Variants in SETX observed in about 807,000 individuals in gnomAD.
SETX encodes helicase senataxin.
SETX carries 90 observed loss-of-function variants against 227.2 expected under a neutral mutation model. The observed-to-expected ratio is 0.40, with a 90% CI of 0.33 to 0.47. The LOEUF (loss-of-function observed/expected upper bound fraction) is 0.47, where lower values mean the gene tolerates loss of function less well. Ranked by LOEUF, SETX falls within the 20% of genes least tolerant of loss-of-function variation. SETX has a pLI of 0.91. For missense variants in SETX, 3,052 were observed against 3,181.5 expected, an observed-to-expected ratio of 0.96 and a Z score of 0.98; for synonymous variants, 1,210 against 1,113.2, an observed-to-expected ratio of 1.09 and a Z score of -1.73.
chr9:132,333,408 A>AAAT (rs1847380194), intron 7 of SETX, among the ~76,000 whole-genome samples: 9 of 72,214 alleles, frequency 1.2e-4, no homozygotes, highest in African/African-American at 3.0e-4. Context: ...GAAAAAAAAA[A>AAAT]ATATATATAC....
chr9:132,263,808 CT>C lies in SETX; in HGVS notation c.*430del, dbSNP rs1245820302. 1,886 of 143,008 alleles carry C rather than the reference CT, an allele frequency of 0.013. No individual in the cohort carries two copies. The highest frequency in any genetic ancestry group is 0.042 in the South Asian group (260 of 6,170). The allele number at this position is 143,008 out of a possible 1,614,324, so 8.9% of individuals were successfully genotyped here. On this transcript the variant is annotated 3_prime_UTR_variant, in exon 26 of 26. Coordinates refer to ENST00000224140, the MANE Select transcript of SETX (RefSeq NM_015046.7). ...TTGAAAGGACCCGCCCTCCTCCCAT[CT>C]TTTTTTTTTTGGTAATATAAAGTTT...
intron 15 of SETX, among the ~76,000 whole-genome samples, chr9:132,291,876 A>AAAGTAG (rs1267437457): frequency 3.9e-5 from 6 of 152,194 alleles, no homozygotes; most frequent in African/African-American, 7.2e-5. Flanking sequence ...TGCCCACAAG[A>AAAGTAG]AAGTAGAGGG....
In SETX at chr9:132,298,427, A is replaced by G. The variant is rs984508384; in HGVS notation, c.5549-115T>C. On this transcript the variant is annotated intron_variant, in intron 12 of 25. Transcript: ENST00000224140. The stretch of plus-strand genomic sequence containing the variant: ...CATATTTTTGGATATTATTTACATA[A>G]TTTACCCAGTAAATATTTATGGACT... 4 of 896,610 alleles carry G rather than the reference A, an allele frequency of 4.5e-6. No individual in the cohort carries two copies. In the Admixed American group the frequency reaches 8.0e-5, roughly 18 times the overall value. 55.5% of individuals were successfully genotyped at this position (896,610 alleles called of 1,614,324 possible).
At position 132,327,337 on chromosome 9, in the gene SETX, G is replaced by A; in HGVS notation, c.4261C>T (p.Pro1421Ser). Residue 1421 changes from proline (P) to serine (S), a missense_variant, in exon 10 of 26, where the codon CCA (proline) becomes TCA (serine). Pro to Ser is a moderately conservative substitution (Grantham distance 74). Coordinates refer to ENST00000224140, the MANE Select transcript of SETX (RefSeq NM_015046.7). ...KQLIKCMPSEPETIKAKHGSP... is the reference protein window; with the variant it reads ...KQLIKCMPSESETIKAKHGSP... ...CCATGTTTTGCTTTTATGGTTTCTGGTTCAGAAGGCATGCATTTTATTAAC... is the reference window on the plus strand; with the variant it reads ...CCATGTTTTGCTTTTATGGTTTCTGATTCAGAAGGCATGCATTTTATTAAC... 6.2e-7 allele frequency: 1 copy of A among 1,614,206 alleles called. No homozygotes were observed. Among genetic ancestry groups the A allele is most frequent in the Non-Finnish European group, 8.5e-7 (1 of 1,180,028 alleles).
At chr9:132,349,126 C>CAAAAACA in intron 3 of SETX, 126 bp downstream of exon 3, 2 of 778,546 alleles carry the variant, frequency 2.6e-6, no homozygotes, top group Non-Finnish European at 3.8e-6. Flanking sequence ...AAAACAAAAA[C>CAAAAACA]AAAAAAAAAA....
In SETX at chr9:132,341,064, C is replaced by T. The variant is rs185867170; in HGVS notation, c.498+1626G>A. Among the ~76,000 whole-genome samples the T allele has an allele frequency of 2.8e-3, 420 of 152,056 alleles. 4 individuals carry two copies. Among genetic ancestry groups the T allele is most frequent in the African/African-American group, 9.7e-3 (404 of 41,482 alleles). ...ATTCACCTTTCAAAACAGCCCTTGT[C>T]GGCTGGACGTGGTGGCTCACACCTG... is the stretch of plus-strand genomic sequence containing the variant. On this transcript the variant is annotated intron_variant, in intron 5 of 25. Transcript: ENST00000224140.
intron 12 of SETX, among the ~76,000 whole-genome samples, chr9:132,298,527 T>C (rs1037184518): frequency 2.6e-5 from 4 of 152,036 alleles, no homozygotes; most frequent in Non-Finnish European, 4.4e-5. Flanking sequence ...ACCAAATAAA[T>C]ATGTCAGGTG....
intron 4 of SETX, among the ~76,000 whole-genome samples, chr9:132,345,891 C>T (rs118087252): frequency 4.6e-5 from 7 of 151,968 alleles, no homozygotes; most frequent in African/African-American, 1.5e-4. Context: ...CAATGGCACA[C>T]GCCTGTACTC....
chr9:132,286,504 A>C lies in SETX; in HGVS notation c.6325-10T>G, dbSNP rs1421529363. ...CATCTAATTCTTGCCTCTGGAAAAAAATTCAAATGTCACAATTAAAACTAA... is the reference window on the plus strand; with the variant it reads ...CATCTAATTCTTGCCTCTGGAAAAACATTCAAATGTCACAATTAAAACTAA... On this transcript the variant is annotated splice_polypyrimidine_tract_variant and intron_variant, in intron 17 of 25. Coordinates refer to ENST00000224140, the MANE Select transcript of SETX (RefSeq NM_015046.7). 1 of 1,605,030 alleles carries C rather than the reference A, an allele frequency of 6.2e-7. No homozygotes were observed. The highest frequency in any genetic ancestry group is 1.3e-5 in the African/African-American group (1 of 74,886).
intron 3 of SETX, among the ~76,000 whole-genome samples, chr9:132,347,136 C>A (rs1468178792): frequency 6.6e-6 from 1 of 151,640 alleles, no homozygotes; most frequent in Admixed American, 6.6e-5. Flanking sequence ...TGCCTGTAAT[C>A]CCATATTCGG....
At chr9:132,293,783 G>A (rs954303151) in intron 15 of SETX, among the ~76,000 whole-genome samples, 5 of 152,148 alleles carry the variant, frequency 3.3e-5, no homozygotes, top group Middle Eastern at 3.2e-3. Context: ...AGCACTTTGG[G>A]AGGCCGAGGC....
At chr9:132,272,043 C>T (rs1007230907) in intron 23 of SETX, among the ~76,000 whole-genome samples, 1 of 151,920 alleles carries the variant, frequency 6.6e-6, no homozygotes, top group Non-Finnish European at 1.5e-5. Flanking sequence ...CCACCATGCC[C>T]AGCTAATTTT....
intron 4 of SETX, among the ~76,000 whole-genome samples, chr9:132,346,026 A>C (rs1456751745): frequency 6.6e-6 from 1 of 152,198 alleles, no homozygotes; most frequent in African/African-American, 2.4e-5. Flanking sequence ...CTCTAAAAAA[A>C]AATAAAAACA....
At chr9:132,270,411 C>T (rs1842849774) in intron 24 of SETX, among the ~76,000 whole-genome samples, 1 of 152,146 alleles carries the variant, frequency 6.6e-6, no homozygotes, top group African/African-American at 2.4e-5. Context: ...CAGTGAGACA[C>T]AGGTGAACTC....
At chr9:132,305,096 T>A (rs2033151263) in intron 11 of SETX, among the ~76,000 whole-genome samples, 1 of 152,148 alleles carries the variant, frequency 6.6e-6, no homozygotes, top group Non-Finnish European at 1.5e-5. Context: ...ACGCCTCACC[T>A]GTAATCCCAG....
At chr9:132,346,659 T>C (rs530159232) in intron 3 of SETX, among the ~76,000 whole-genome samples, 188 bp from the exon 4 acceptor site, 19 of 151,966 alleles carry the variant, frequency 1.3e-4, no homozygotes, top group African/African-American at 4.1e-4. Flanking sequence ...GTACACAGAG[T>C]ATGAGATATT....
intron 6 of SETX, 22 bp downstream of exon 6, chr9:132,336,274 T>C: frequency 6.4e-7 from 1 of 1,567,184 alleles, no homozygotes. Context: ...ACCAATTATA[T>C]TAGTGTAGGA....
chr9:132,267,606 G>C (rs1255700661), intron 25 of SETX, among the ~76,000 whole-genome samples: 2 of 152,234 alleles, frequency 1.3e-5, no homozygotes, highest in Admixed American at 1.3e-4. Flanking sequence ...AAGCCCAGCT[G>C]ACATGTCGGG....
chr9:132,310,874 T>A (rs185984876), intron 11 of SETX, among the ~76,000 whole-genome samples: 1 of 152,234 alleles, frequency 6.6e-6, no homozygotes, highest in Admixed American at 6.5e-5. Flanking sequence ...AATAAATATA[T>A]CTTCTCTTCC....
Sources: gnomAD v4.1 joint callset for allele counts (sites outside exome capture counted in the v4.1 genomes callset) on GRCh38, gnomAD v4.1.1 for gene constraint, MANE v1.5 for transcripts, NCBI Gene and HGNC (gene_info 2026-07-23, HGNC 2026-07-21) for gene names.